DMBT1: variants seen among roughly 807,000 people sequenced by gnomAD.
The protein encoded by DMBT1 is deleted in malignant brain tumors 1.
DMBT1 carries 198 observed loss-of-function variants against 252.9 expected under a neutral mutation model. The ratio of observed to expected loss-of-function variants is 0.78; its 90% confidence interval spans 0.70 to 0.88. DMBT1 has a LOEUF of 0.88. DMBT1 is among the 40% of genes least tolerant of loss of function. The pLI is 0.00. For synonymous variants in DMBT1, 990 were observed against 942.7 expected, an observed-to-expected ratio of 1.05 and a Z score of -0.92; for missense variants, 2,432 against 2,404.7, an observed-to-expected ratio of 1.01 and a Z score of -0.24.
In DMBT1 at chr10:122,571,062, T is replaced by C. The variant is rs1591176988; in HGVS notation, c.187+125T>C. On this transcript the variant is annotated intron_variant, in intron 4 of 55. Transcript: ENST00000338354. ...GTGCTGGTGTCATGTTCTCAGGTAG[T>C]GTGGATATCACCTTGCTCTGTGTAT... is the stretch of plus-strand genomic sequence containing the variant. The C allele has an allele frequency of 2.5e-6, 3 of 1,178,764 alleles. No individual in the cohort carries two copies. The East Asian group carries it at 7.1e-5, about 28-fold the overall frequency. The allele number at this position is 1,178,764 out of a possible 1,614,324, so 73.0% of individuals were successfully genotyped here.
intron 14 of DMBT1, 101 bp from the exon 15 acceptor site, chr10:122,585,170 T>TG: frequency 2.1e-6 from 3 of 1,415,656 alleles, no homozygotes; most frequent in Non-Finnish European, 2.9e-6. Context: ...GAATCAGAAG[T>TG]GGGGTAGTTT....
Position 122,598,885 on chromosome 10 carries a change from A to T in DMBT1, c.3068A>T (p.Asp1023Val). Residue 1023 changes from aspartate (D) to valine (V), a missense_variant, in exon 26 of 56, where the codon GAC becomes GTC. Physicochemically the swap from Asp to Val is radical, Grantham distance 152. This residue lies in a region of DMBT1 where 1,264 missense variants were observed against 1,082.2 expected (regional missense o/e 1.17). Transcript: ENST00000338354. ...SWGTVCDDSW[D>V]TNDANVVCRQ... ...GGCACCGTGTGCGATGACAGCTGGGACACCAATGATGCCAATGTCGTCTGC... is the reference window on the plus strand; with the variant it reads ...GGCACCGTGTGCGATGACAGCTGGGTCACCAATGATGCCAATGTCGTCTGC... 1 of 1,613,822 alleles carries T rather than the reference A, an allele frequency of 6.2e-7. No homozygotes were observed. The highest frequency in any genetic ancestry group is 8.5e-7 in the Non-Finnish European group (1 of 1,179,780).
intron 42 of DMBT1, among the ~76,000 whole-genome samples, chr10:122,619,989 G>A (rs1251022299): frequency 1.3e-5 from 2 of 152,334 alleles, no homozygotes; most frequent in Middle Eastern, 6.8e-3. Flanking sequence ...CAGTCCATGT[G>A]TCACTGGATG....
chr10:122,626,028 T>A, intron 46 of DMBT1, 63 bp downstream of exon 46: 3 of 1,420,792 alleles, frequency 2.1e-6, no homozygotes, highest in Non-Finnish European at 3.0e-6. Flanking sequence ...AGCTTGGCTA[T>A]CCATGAGCGA....
chr10:122,631,377 G>A, intron 49 of DMBT1, 96 bp downstream of exon 49: 1 of 1,477,636 alleles, frequency 6.8e-7, no homozygotes, highest in Non-Finnish European at 9.2e-7. Flanking sequence ...GGCCCAGGCA[G>A]GAGCTGGTCA....
intron 1 of DMBT1, among the ~76,000 whole-genome samples, chr10:122,562,293 G>C (rs2981751): frequency 0.67 from 101,729 of 151,774 alleles, 34,451 homozygotes; most frequent in East Asian, 0.77. Flanking sequence ...TTCTGGAACT[G>C]TCACTCTCCC....
intron 6 of DMBT1, among the ~76,000 whole-genome samples, 154 bp downstream of exon 6, chr10:122,573,916 A>G (rs974642425): frequency 6.6e-6 from 1 of 152,192 alleles, no homozygotes; most frequent in Admixed American, 6.5e-5. Context: ...CTGAACAGGT[A>G]TATCTTGCAT....
chr10:122,567,199 G>C (rs1045604646), intron 2 of DMBT1, among the ~76,000 whole-genome samples: 4 of 152,226 alleles, frequency 2.6e-5, no homozygotes, highest in African/African-American at 7.2e-5. Flanking sequence ...CAGAGCAAGG[G>C]AGAGGCTGAG....
intron 19 of DMBT1, 54 bp from the exon 20 acceptor site, chr10:122,592,218 T>G: frequency 6.3e-7 from 1 of 1,575,214 alleles, no homozygotes; most frequent in Non-Finnish European, 8.6e-7. Context: ...GAACGTGCCT[T>G]AGATCCTTAC....
Position 122,585,364 on chromosome 10 carries a change from T to C in DMBT1, c.1459+55T>C. The C allele has an allele frequency of 3.9e-6, 6 of 1,553,566 alleles. 1 individual carries two copies. In the Admixed American group the frequency reaches 6.8e-5, roughly 18 times the overall value. ...CTCACTCTCTACCTCTGGACAAATGTTTTTTTCTGAAATGATAGGATGAGG... is the reference window on the plus strand; with the variant it reads ...CTCACTCTCTACCTCTGGACAAATGCTTTTTTCTGAAATGATAGGATGAGG... On this transcript the variant is annotated intron_variant, in intron 15 of 55. Transcript: ENST00000338354.
chr10:122,621,711 C>T (rs1265534855), intron 44 of DMBT1, among the ~76,000 whole-genome samples: 1 of 152,172 alleles, frequency 6.6e-6, no homozygotes, highest in Non-Finnish European at 1.5e-5. Context: ...GTGGACACAG[C>T]ACAGACAGCG....
Position 122,592,253 on chromosome 10 carries a change from T to C in DMBT1, c.2177-19T>C. ...CCTCATGGTAGGGATGGATAAAGGGTTCTTGTGTTCCCCTGTAGGATCTGA... is the reference window on the plus strand; with the variant it reads ...CCTCATGGTAGGGATGGATAAAGGGCTCTTGTGTTCCCCTGTAGGATCTGA... On this transcript the variant is annotated intron_variant, in intron 19 of 55. Coordinates refer to ENST00000338354, the MANE Select transcript of DMBT1 (RefSeq NM_001377530.1). 3 of 1,584,548 alleles carry C rather than the reference T, an allele frequency of 1.9e-6. No individual in the cohort carries two copies. Among genetic ancestry groups the C allele is most frequent in the Non-Finnish European group, 2.6e-6 (3 of 1,164,616 alleles).
At chr10:122,599,935 G>A (rs2097925097) in intron 26 of DMBT1, 129 bp from the exon 27 acceptor site, 2 of 1,361,626 alleles carry the variant, frequency 1.5e-6, no homozygotes, top group Admixed American at 1.8e-5. Flanking sequence ...GCATGGCAAT[G>A]CCCCTCCCTG....
intron 8 of DMBT1, 42 bp downstream of exon 8, chr10:122,577,882 C>A: frequency 6.2e-7 from 1 of 1,608,510 alleles, no homozygotes; most frequent in Non-Finnish European, 8.5e-7. Flanking sequence ...CCTTCTCTTT[C>A]TGCTCAGTTA....
chr10:122,589,055 A>G lies in DMBT1; in HGVS notation c.1895A>G (p.Asp632Gly), dbSNP rs761309740. Residue 632 changes from aspartate to glycine, a missense_variant, in exon 17 of 56, where the codon GAC (aspartate) becomes GGC (glycine). Asp to Gly is a moderately conservative substitution (Grantham distance 94). Around this residue, in one of 3 missense-constraint regions of DMBT1, gnomAD observed 1,264 missense variants for 1,082.2 expected, o/e 1.17. Coordinates refer to ENST00000338354, the MANE Select transcript of DMBT1 (RefSeq NM_001377530.1). ...GGCACCGTGTGTGATGACAGCTGGG[A>G]CACCAATGATGCCAATGTGGTCTGC... is the stretch of plus-strand genomic sequence containing the variant. Reference protein sequence around the residue: ...SWGTVCDDSWDTNDANVVCRQ... With the variant: ...SWGTVCDDSWGTNDANVVCRQ... The G allele has an allele frequency of 5.7e-6, 9 of 1,588,674 alleles. No homozygotes were observed. The highest frequency in any genetic ancestry group is 2.7e-5 in the African/African-American group (2 of 74,536).
At chr10:122,568,271 G>A (rs1448431805) in intron 2 of DMBT1, among the ~76,000 whole-genome samples, 2 of 152,126 alleles carry the variant, frequency 1.3e-5, no homozygotes, top group Non-Finnish European at 2.9e-5. Flanking sequence ...GGATGATGTG[G>A]GGGGTAGGAT....
At chr10:122,563,609 T>C (rs1487119303) in intron 1 of DMBT1, among the ~76,000 whole-genome samples, 2 of 149,214 alleles carry the variant, frequency 1.3e-5, no homozygotes, top group African/African-American at 4.9e-5. Context: ...TAATAAATCA[T>C]TTTCCAGAAG....
intron 40 of DMBT1, among the ~76,000 whole-genome samples, chr10:122,617,727 G>T (rs954401288): frequency 2.0e-5 from 3 of 151,634 alleles, no homozygotes; most frequent in South Asian, 2.1e-4. Context: ...TGGAGCTGTG[G>T]AGCTCCATCC....
intron 3 of DMBT1, 140 bp downstream of exon 3, chr10:122,570,349 C>T (rs1273728809): frequency 1.3e-6 from 1 of 790,934 alleles, no homozygotes; most frequent in Non-Finnish European, 2.1e-6. Flanking sequence ...ACCCAGGCTA[C>T]AATGCCTGGG....
Sources: allele counts gnomAD v4.1 joint callset (sites outside exome capture counted in the v4.1 genomes callset), GRCh38; gene constraint gnomAD v4.1.1; regional missense constraint gnomAD v4.1.1; transcripts MANE v1.5; gene names NCBI Gene and HGNC (gene_info 2026-07-23, HGNC 2026-07-21).